ADAM18: variants seen among roughly 807,000 people sequenced by gnomAD.
The protein encoded by ADAM18 is disintegrin and metalloproteinase domain-containing protein 18.
In ADAM18, 117 loss-of-function variants were observed where a neutral mutation model predicts 94.4. The ratio of observed to expected loss-of-function variants is 1.24; its 90% CI spans 1.07 to 1.45. The LOEUF is 1.45. Among genes scored for constraint, ADAM18 ranks in the 40% most tolerant of loss-of-function variants. The pLI, the probability that ADAM18 is intolerant of heterozygous loss-of-function variation, is 0.00. For missense variants in ADAM18, 936 were observed against 880.0 expected (o/e 1.06, Z -0.81); for synonymous variants, 327 against 291.6 (o/e 1.12, Z -1.24).
At chr8:39,709,204 C>T (rs561027142) in intron 18 of ADAM18, among the ~76,000 whole-genome samples, 1 of 152,204 alleles carries the variant, frequency 6.6e-6, no homozygotes, top group African/African-American at 2.4e-5. Context: ...GGAAGGGGAG[C>T]CGAAAAGGGG....
intron 13 of ADAM18, among the ~76,000 whole-genome samples, chr8:39,664,921 G>A (rs1457988473): frequency 4.9e-5 from 7 of 142,042 alleles, no homozygotes; most frequent in African/African-American, 1.9e-4. Flanking sequence ...AATATTCTAT[G>A]TATTTTTTTT....
intron 6 of ADAM18, among the ~76,000 whole-genome samples, chr8:39,620,520 A>G (rs950398030): frequency 7.4e-5 from 11 of 148,174 alleles, no homozygotes; most frequent in Non-Finnish European, 1.3e-4. Context: ...CTTTCTCAAA[A>G]GAACACATAC....
At chr8:39,619,525 A>G (rs1819544945) in intron 6 of ADAM18, among the ~76,000 whole-genome samples, 1 of 152,078 alleles carries the variant, frequency 6.6e-6, no homozygotes, top group African/African-American at 2.4e-5. Context: ...AACATTGGAA[A>G]CTGTACAAAT....
intron 6 of ADAM18, chr8:39,611,212 T>A: frequency 3.5e-6 from 2 of 577,994 alleles, no homozygotes; most frequent in Non-Finnish European, 4.4e-6. Flanking sequence ...GATAAAAATA[T>A]TCTATTATTC....
chr8:39,628,472 T>C (rs191058200), intron 6 of ADAM18, among the ~76,000 whole-genome samples: 29 of 151,538 alleles, frequency 1.9e-4, no homozygotes, highest in Admixed American at 1.8e-3. Flanking sequence ...CAACAATAGA[T>C]ATATGAGATG....
intron 10 of ADAM18, among the ~76,000 whole-genome samples, chr8:39,641,884 A>C (rs1033858144): frequency 6.6e-6 from 1 of 152,146 alleles, no homozygotes; most frequent in African/African-American, 2.4e-5. Context: ...CCTGCAGTGT[A>C]TAAGTGTTCC....
intron 12 of ADAM18, 126 bp downstream of exon 12, chr8:39,648,653 A>G: frequency 1.1e-6 from 1 of 909,908 alleles, no homozygotes; most frequent in East Asian, 2.8e-5. Context: ...GAAATATGAG[A>G]AACAGGATGA....
intron 6 of ADAM18, among the ~76,000 whole-genome samples, chr8:39,617,894 T>C (rs545067029): frequency 1.4e-4 from 22 of 152,106 alleles, no homozygotes; most frequent in Non-Finnish European, 2.8e-4. Context: ...ATTACCTGGG[T>C]GACACATTGA....
chr8:39,632,536 T>C (rs931312577), intron 7 of ADAM18, among the ~76,000 whole-genome samples: 2 of 152,158 alleles, frequency 1.3e-5, no homozygotes, highest in Non-Finnish European at 2.9e-5. Flanking sequence ...AATCAATTTT[T>C]ACAAGTAACC....
At chr8:39,638,568 T>G (rs1219892684) in intron 10 of ADAM18, 22 bp downstream of exon 10, 1 of 1,425,584 alleles carries the variant, frequency 7.0e-7, no homozygotes, top group Non-Finnish European at 9.5e-7. Flanking sequence ...TTATTCTTCT[T>G]TACATCACTA....
intron 19 of ADAM18, among the ~76,000 whole-genome samples, chr8:39,729,284 A>G (rs150366815): frequency 6.6e-6 from 1 of 152,304 alleles, no homozygotes; most frequent in African/African-American, 2.4e-5. Context: ...CACAATATGA[A>G]TGTACTTAGT....
chr8:39,655,943 A>G (rs1265709944), intron 12 of ADAM18, among the ~76,000 whole-genome samples: 1 of 152,102 alleles, frequency 6.6e-6, no homozygotes, highest in Non-Finnish European at 1.5e-5. Flanking sequence ...ACTAAATATA[A>G]AACTGCAAAT....
intron 14 of ADAM18, among the ~76,000 whole-genome samples, chr8:39,676,483 G>A (rs1209409602): frequency 2.6e-5 from 4 of 152,330 alleles, no homozygotes; most frequent in Admixed American, 6.5e-5. Flanking sequence ...CTTGTCTGCC[G>A]ATTCTAAGAC....
intron 2 of ADAM18, among the ~76,000 whole-genome samples, chr8:39,599,954 T>G (rs995897642): frequency 7.2e-5 from 11 of 152,038 alleles, no homozygotes; most frequent in African/African-American, 2.4e-4. Flanking sequence ...TCCAGTACCA[T>G]ATTCAATAAA....
intron 15 of ADAM18, 64 bp from the exon 16 acceptor site, chr8:39,679,973 T>C: frequency 6.7e-7 from 1 of 1,498,606 alleles, no homozygotes; most frequent in Non-Finnish European, 9.2e-7. Context: ...TATGCAGTAC[T>C]CACTTGGAAC....
intron 13 of ADAM18, among the ~76,000 whole-genome samples, chr8:39,665,962 C>A (rs1356700532): frequency 6.6e-6 from 1 of 152,106 alleles, no homozygotes; most frequent in Non-Finnish European, 1.5e-5. Context: ...TGTTTACTAT[C>A]ATATTTCTTG....
At chr8:39,680,684 A>G (rs1050719947) in intron 16 of ADAM18, among the ~76,000 whole-genome samples, 1 of 152,246 alleles carries the variant, frequency 6.6e-6, no homozygotes, top group African/African-American at 2.4e-5. Flanking sequence ...TCATGCGTAT[A>G]TACATGCATG....
At chr8:39,609,445 C>A in intron 4 of ADAM18, 40 bp from the exon 5 acceptor site, 1 of 1,427,650 alleles carries the variant, frequency 7.0e-7, no homozygotes, top group Non-Finnish European at 9.8e-7. Flanking sequence ...TTTTTATTCA[C>A]AACGAATTTA....
intron 10 of ADAM18, among the ~76,000 whole-genome samples, chr8:39,644,486 C>T (rs1050142878): frequency 6.6e-6 from 1 of 152,096 alleles, no homozygotes; most frequent in South Asian, 2.1e-4. Context: ...CGGAGTCTCA[C>T]TATGTTGCCC....
Sources: gnomAD v4.1 joint callset for allele counts (sites outside exome capture counted in the v4.1 genomes callset) on GRCh38, gnomAD v4.1.1 for gene constraint, MANE v1.5 for transcripts, NCBI Gene and HGNC (gene_info 2026-07-23, HGNC 2026-07-21) for gene names.